Variants in PABPC4L observed in about 807,000 individuals in gnomAD.
PABPC4L encodes poly(A) binding protein cytoplasmic 4 like.
For synonymous variants in PABPC4L, 169 were observed against 164.1 expected, an observed-to-expected ratio of 1.03 and a Z score of -0.23; for missense variants, 452 against 451.4, an observed-to-expected ratio of 1.00 and a Z score of -0.01.
At chr4:134,041,126 G>A in the PABPC4L span, among the ~76,000 whole-genome samples, 1 of 152,136 alleles carries the variant, frequency 6.6e-6, no homozygotes, top group African/African-American at 2.4e-5. Flanking sequence ...ACTGTTGGTG[G>A]CAGTGTAAAT....
At chr4:134,012,630 C>T in the PABPC4L span, among the ~76,000 whole-genome samples, 3 of 152,204 alleles carry the variant, frequency 2.0e-5, no homozygotes, top group African/African-American at 7.2e-5. Flanking sequence ...AAATTTGGTG[C>T]TGTGACTTGG....
the PABPC4L span, among the ~76,000 whole-genome samples, chr4:134,183,368 A>T: frequency 6.6e-6 from 1 of 151,862 alleles, no homozygotes; most frequent in Non-Finnish European, 1.5e-5. Context: ...AGAAAACCGG[A>T]TATCGTACGT....
At chr4:133,979,572 G>C in the PABPC4L span, among the ~76,000 whole-genome samples, 2 of 152,100 alleles carry the variant, frequency 1.3e-5, no homozygotes, top group Admixed American at 6.6e-5. Context: ...TTCCGTATTA[G>C]TTCCATAAAG....
At chr4:134,167,473 C>A in the PABPC4L span, among the ~76,000 whole-genome samples, 105,478 of 151,560 alleles carry the variant, frequency 0.7, 38,038 homozygotes, top group East Asian at 1. Context: ...TTCTCCAATA[C>A]AAATACATAG....
At chr4:134,057,204 G>A in the PABPC4L span, among the ~76,000 whole-genome samples, 3 of 152,002 alleles carry the variant, frequency 2.0e-5, no homozygotes, top group African/African-American at 7.2e-5. Flanking sequence ...TGACACTAAT[G>A]TTATATCTTC....
At chr4:134,127,434 G>A in the PABPC4L span, among the ~76,000 whole-genome samples, 1 of 152,048 alleles carries the variant, frequency 6.6e-6, no homozygotes, top group East Asian at 1.9e-4. Context: ...AGTAGGTGCT[G>A]GTATCATGAA....
the PABPC4L span, among the ~76,000 whole-genome samples, chr4:134,070,731 G>C: frequency 6.6e-6 from 1 of 152,190 alleles, no homozygotes; most frequent in East Asian, 1.9e-4. Flanking sequence ...CCCATGGTCA[G>C]GTGCAGTCTG....
At chr4:134,135,639 C>T in the PABPC4L span, among the ~76,000 whole-genome samples, 1 of 152,030 alleles carries the variant, frequency 6.6e-6, no homozygotes, top group African/African-American at 2.4e-5. Flanking sequence ...TGAGACCAGC[C>T]TGACCAACAT....
the PABPC4L span, among the ~76,000 whole-genome samples, chr4:134,132,871 T>C: frequency 6.8e-6 from 1 of 147,266 alleles, no homozygotes; most frequent in Admixed American, 6.9e-5. Context: ...ATATATATTA[T>C]ATTTTATATA....
chr4:134,072,359 C>G, the PABPC4L span, among the ~76,000 whole-genome samples: 19 of 152,136 alleles, frequency 1.2e-4, no homozygotes, highest in African/African-American at 4.6e-4. Flanking sequence ...TCAGTTAGTC[C>G]TGTGCAAGCT....
the PABPC4L span, among the ~76,000 whole-genome samples, chr4:134,080,403 T>C: frequency 6.6e-6 from 1 of 152,208 alleles, no homozygotes; most frequent in Non-Finnish European, 1.5e-5. Flanking sequence ...TGATTTTTAC[T>C]TCTGTTCCCA....
chr4:134,029,687 G>T, the PABPC4L span, among the ~76,000 whole-genome samples: 1 of 151,442 alleles, frequency 6.6e-6, no homozygotes, highest in Non-Finnish European at 1.5e-5. Flanking sequence ...GCTTAATTTA[G>T]AATTTTAATT....
At chr4:134,077,453 T>C in the PABPC4L span, among the ~76,000 whole-genome samples, 1 of 152,166 alleles carries the variant, frequency 6.6e-6, no homozygotes, top group Non-Finnish European at 1.5e-5. Context: ...GAAAAAAAAG[T>C]GTAATTACAT....
At chr4:134,003,374 C>CA in the PABPC4L span, among the ~76,000 whole-genome samples, 1 of 151,842 alleles carries the variant, frequency 6.6e-6, no homozygotes, top group Non-Finnish European at 1.5e-5. Flanking sequence ...CATCTTTGAA[C>CA]ATATTGCATA....
chr4:134,050,334 C>A, the PABPC4L span, among the ~76,000 whole-genome samples: 1 of 152,000 alleles, frequency 6.6e-6, no homozygotes, highest in Non-Finnish European at 1.5e-5. Context: ...TCATGAATGA[C>A]AATGAAATAA....
At chr4:134,058,509 C>A in the PABPC4L span, among the ~76,000 whole-genome samples, 2 of 151,920 alleles carry the variant, frequency 1.3e-5, no homozygotes, top group Non-Finnish European at 2.9e-5. Flanking sequence ...CACACACACA[C>A]GAGTTATTGC....
chr4:134,020,328 TG>T, the PABPC4L span, among the ~76,000 whole-genome samples: 44 of 152,264 alleles, frequency 2.9e-4, no homozygotes, highest in African/African-American at 1.0e-3. Context: ...AGATGTGCTC[TG>T]CTACAAGGGT....
chr4:134,023,007 A>G, the PABPC4L span, among the ~76,000 whole-genome samples: 1 of 149,920 alleles, frequency 6.7e-6, no homozygotes, highest in Non-Finnish European at 1.5e-5. Flanking sequence ...AAAGACTTTC[A>G]GCTCCTTAGA....
the PABPC4L span, among the ~76,000 whole-genome samples, chr4:134,122,389 G>T: frequency 6.6e-6 from 1 of 151,440 alleles, no homozygotes; most frequent in Non-Finnish European, 1.5e-5. Context: ...TTAAAATTGT[G>T]CAATATGCTT....
Sources: allele counts gnomAD v4.1 joint callset (sites outside exome capture counted in the v4.1 genomes callset), GRCh38; gene constraint gnomAD v4.1.1; transcripts MANE v1.5; gene names NCBI Gene and HGNC (gene_info 2026-07-23, HGNC 2026-07-21).